The following IL21R variants were observed in gnomAD, a reference collection of about 807,000 sequenced individuals.
IL21R encodes the protein interleukin 21 receptor.
IL21R carries 14 observed loss-of-function variants against 41.3 expected under a neutral mutation model. That is an observed-to-expected ratio of 0.34 (90% CI 0.22 to 0.53). The LOEUF (loss-of-function observed/expected upper bound fraction) is 0.53, where lower values mean the gene tolerates loss of function less well. IL21R is among the 20% of genes least tolerant of loss of function. The pLI, the probability that IL21R is intolerant of heterozygous loss-of-function variation, is 0.94. For missense variants in IL21R, 588 were observed against 681.6 expected, an observed-to-expected ratio of 0.86 and a Z score of 1.53; for synonymous variants, 286 against 287.6, an observed-to-expected ratio of 0.99 and a Z score of 0.05.
Position 27,446,064 on chromosome 16 carries a change from C to T in IL21R, c.843C>T (p.Tyr281=), listed in dbSNP as rs754390153. 6.2e-7 allele frequency: 1 copy of T among 1,613,574 alleles called. No homozygotes were observed. Among genetic ancestry groups the T allele is most frequent in the African/African-American group, 1.3e-5 (1 of 74,886 alleles). ...PSPERFFMPL[Y]KGCSGDFKKW... ...CTGAGCGGTTCTTCATGCCCCTGTA[C>T]AAGGGCTGCAGCGGAGACTTCAAGG... The change falls in exon 8 of 9, where the codon TAC becomes TAT. Residue 281 remains tyrosine (Y), a synonymous_variant. Coordinates refer to ENST00000337929, the MANE Select transcript of IL21R (RefSeq NM_181078.3).
intron 2 of IL21R, among the ~76,000 whole-genome samples, chr16:27,432,738 T>A (rs1278666048): frequency 1.3e-5 from 2 of 152,198 alleles, no homozygotes; most frequent in African/African-American, 4.8e-5. Context: ...ACAAGTTCTG[T>A]GTGTCTCCCT....
intron 1 of IL21R, among the ~76,000 whole-genome samples, chr16:27,418,022 TTTATTTTA>T (rs774074809): frequency 1.2e-4 from 10 of 82,344 alleles, no homozygotes; most frequent in Non-Finnish European, 2.3e-4. Flanking sequence ...TTTATTTTAT[TTTATTTTA>T]TTTTATTTTA....
In IL21R at chr16:27,448,758, T is replaced by C. The variant is rs1243449482; in HGVS notation, c.1092T>C (p.Ser364=). Residue 364 remains serine, a synonymous_variant, in exon 9 of 9, where the codon AGT becomes AGC. Coordinates refer to ENST00000337929, the MANE Select transcript of IL21R (RefSeq NM_181078.3). The part of the protein sequence containing the change: ...TAQNSGGSAY[S]EERDRPYGLV... ...AGAACTCGGGGGGCTCAGCTTACAG[T>C]GAGGAGAGGGATCGGCCATACGGCC... 1 of 1,613,396 alleles carries C rather than the reference T, an allele frequency of 6.2e-7. No individual in the cohort carries two copies. Among genetic ancestry groups the C allele is most frequent in the South Asian group, 1.1e-5 (1 of 91,068 alleles).
intron 1 of IL21R, among the ~76,000 whole-genome samples, chr16:27,411,124 G>C (rs1328343795): frequency 3.9e-5 from 6 of 152,104 alleles, no homozygotes; most frequent in Non-Finnish European, 8.8e-5. Context: ...TGCAGAAACA[G>C]GTGTGCAAAT....
At chr16:27,405,221 C>T (rs1047489965) in intron 1 of IL21R, among the ~76,000 whole-genome samples, 9 of 151,856 alleles carry the variant, frequency 5.9e-5, no homozygotes, top group Middle Eastern at 3.4e-3. Context: ...TTAGTGGAGG[C>T]GGGGTTTCAC....
intron 1 of IL21R, among the ~76,000 whole-genome samples, chr16:27,409,190 T>C (rs1377118167): frequency 1.4e-5 from 2 of 147,398 alleles, no homozygotes; most frequent in Non-Finnish European, 3.0e-5. Flanking sequence ...TAAAAATAAA[T>C]TATATATGTT....
intron 1 of IL21R, chr16:27,427,187 T>G: frequency 5.5e-6 from 3 of 542,252 alleles, no homozygotes; most frequent in Non-Finnish European, 7.1e-6. Context: ...GATGGGGTGT[T>G]TTGATTGGCC....
rs2087419219 is a variant in IL21R, at chr16:27,443,134, C to T, written c.507+18C>T. 1 of 1,599,924 alleles carries T rather than the reference C, an allele frequency of 6.3e-7. No individual in the cohort carries two copies. The highest frequency in any genetic ancestry group is 8.5e-7 in the Non-Finnish European group (1 of 1,172,754). On this transcript the variant is annotated intron_variant, in intron 5 of 8. Transcript: ENST00000337929. ...GGGCTGTGGTGAGGAATGTGGGGAT[C>T]AGTGCAGCTTTGTGGGAGGGGAGGG...
chr16:27,410,226 C>G (rs2086805440), intron 1 of IL21R, among the ~76,000 whole-genome samples: 1 of 139,210 alleles, frequency 7.2e-6, no homozygotes, highest in South Asian at 2.7e-4. Context: ...ATCCCAGCTA[C>G]TCAGGAGGCT....
chr16:27,432,775 T>C (rs917420299), intron 2 of IL21R, among the ~76,000 whole-genome samples: 6 of 152,132 alleles, frequency 3.9e-5, no homozygotes, highest in Admixed American at 1.3e-4. Context: ...TAGAGCAAGA[T>C]TTACTTCCAT....
At chr16:27,434,270 C>A in intron 2 of IL21R, 77 bp from the exon 3 acceptor site, 1 of 924,202 alleles carries the variant, frequency 1.1e-6, no homozygotes, top group Non-Finnish European at 1.8e-6. Flanking sequence ...TTCCTCCAGC[C>A]CTCGAGGGGA....
chr16:27,439,166 A>C (rs2087327264), intron 4 of IL21R, among the ~76,000 whole-genome samples: 1 of 152,016 alleles, frequency 6.6e-6, no homozygotes. Flanking sequence ...GTGAGAGTGA[A>C]GCTTCACACA....
intron 1 of IL21R, among the ~76,000 whole-genome samples, chr16:27,403,402 C>G (rs192912652): frequency 3.3e-5 from 5 of 152,224 alleles, no homozygotes; most frequent in African/African-American, 1.2e-4. Flanking sequence ...AGACCAGGTG[C>G]GGGACATTCA....
intron 1 of IL21R, among the ~76,000 whole-genome samples, chr16:27,409,556 T>C (rs2086796356): frequency 6.6e-6 from 1 of 152,094 alleles, no homozygotes; most frequent in African/African-American, 2.4e-5. Flanking sequence ...TGGTGTAAGG[T>C]AGGGGTCAAG....
chr16:27,424,516 C>T (rs978409307), intron 1 of IL21R, among the ~76,000 whole-genome samples: 5 of 152,176 alleles, frequency 3.3e-5, no homozygotes, highest in Admixed American at 1.3e-4. Context: ...TTTCTCAGCA[C>T]TGAAACTGGT....
At chr16:27,412,279 T>C (rs2086833808) in intron 1 of IL21R, among the ~76,000 whole-genome samples, 1 of 152,206 alleles carries the variant, frequency 6.6e-6, no homozygotes, top group Admixed American at 6.5e-5. Context: ...TCTCTATTCT[T>C]TTCCATTGGT....
At chr16:27,431,134 C>T (rs2087164443) in intron 2 of IL21R, among the ~76,000 whole-genome samples, 1 of 152,224 alleles carries the variant, frequency 6.6e-6, no homozygotes, top group East Asian at 1.9e-4. Flanking sequence ...AGGAACTCAA[C>T]AGCTGCTCTG....
rs559577741 is a variant in IL21R, at chr16:27,417,799, C to A, written c.-16-12257C>A. 2.6e-3 allele frequency among the ~76,000 whole-genome samples: 390 copies of A among 152,174 alleles called. 1 individual carries two copies. Among genetic ancestry groups the A allele is most frequent in the Non-Finnish European group, 4.4e-3 (298 of 67,996 alleles). ...ATATAAAATATGAAAAAACGGCACACCTGTGTAGGGCACTTACCATGAATG... is the reference window on the plus strand; with the variant it reads ...ATATAAAATATGAAAAAACGGCACAACTGTGTAGGGCACTTACCATGAATG... On this transcript the variant is annotated intron_variant, in intron 1 of 8. Transcript: ENST00000337929.
In IL21R at chr16:27,448,566, C is replaced by T; in HGVS notation, c.900C>T (p.Ser300=). ...TGGGTGCACCCTTCACTGGCTCCAG[C>T]CTGGAGCTGGGACCCTGGAGCCCAG... The part of the protein sequence containing the change: ...KWVGAPFTGS[S]LELGPWSPEV... Residue 300 remains serine, a synonymous_variant, in exon 9 of 9, where the codon AGC becomes AGT. Transcript: ENST00000337929. 2 of 1,610,524 alleles carry T rather than the reference C, an allele frequency of 1.2e-6. No individual in the cohort carries two copies. Among genetic ancestry groups the T allele is most frequent in the Non-Finnish European group, 1.7e-6 (2 of 1,178,896 alleles).
Sources: allele counts gnomAD v4.1 joint callset (sites outside exome capture counted in the v4.1 genomes callset), GRCh38; gene constraint gnomAD v4.1.1; transcripts MANE v1.5; gene names NCBI Gene and HGNC (gene_info 2026-07-23, HGNC 2026-07-21).